The following MTMR8 variants were observed in gnomAD, a reference collection of about 807,000 sequenced individuals.
MTMR8 encodes myotubularin related protein 8, also known as phosphatidylinositol-3,5-bisphosphate 3-phosphatase MTMR8.
MTMR8 carries 65 observed loss-of-function variants against 39.3 expected under a neutral mutation model. That is an observed-to-expected ratio of 1.65 (90% CI 1.35 to 2.03). The LOEUF is 2.03. Among genes scored for constraint, MTMR8 ranks in the 30% most tolerant of loss-of-function variants. MTMR8 has a pLI of 0.00. For missense variants in MTMR8, 777 were observed against 538.9 expected (o/e 1.44, Z -4.37); for synonymous variants, 245 against 185.2 (o/e 1.32, Z -2.62).
At chrX:64,388,682 T>G (rs1337893880) in intron 1 of MTMR8, among the ~76,000 whole-genome samples, 1 of 112,347 alleles carries the variant, frequency 8.9e-6, no homozygotes, top group Non-Finnish European at 1.9e-5. Context: ...TCTTAAGGCA[T>G]GTTCTATGAA....
chrX:64,336,791 C>T (rs1271719346), intron 9 of MTMR8, among the ~76,000 whole-genome samples: 2 of 111,198 alleles, frequency 1.8e-5, no homozygotes, highest in African/African-American at 6.5e-5. Flanking sequence ...AGTAAGACTA[C>T]TTCAAAACAA....
chrX:64,378,596 A>G (rs1305334936), intron 1 of MTMR8, among the ~76,000 whole-genome samples: 2 of 112,259 alleles, frequency 1.8e-5, no homozygotes, highest in Non-Finnish European at 3.8e-5. Context: ...TTTTTAAAAC[A>G]TTTCAAACTA....
intron 1 of MTMR8, among the ~76,000 whole-genome samples, chrX:64,391,430 T>G (rs1306597874): frequency 8.9e-6 from 1 of 112,168 alleles, no homozygotes; most frequent in Non-Finnish European, 1.9e-5. Context: ...GGCTGTAAAC[T>G]TGGAAGAGCT....
intron 12 of MTMR8, among the ~76,000 whole-genome samples, chrX:64,324,392 A>T (rs1281318716): frequency 5.4e-5 from 6 of 111,123 alleles, no homozygotes; most frequent in Non-Finnish European, 1.1e-4. Context: ...AAAAGAGAAG[A>T]GAAGAAAGAG....
chrX:64,371,873 C>A (rs916113376), intron 1 of MTMR8, among the ~76,000 whole-genome samples: 1 of 109,974 alleles, frequency 9.1e-6, no homozygotes, highest in African/African-American at 3.3e-5. Flanking sequence ...AGGTGCCTTT[C>A]ACATATTAAG....
chrX:64,323,673 C>G (rs1165780015), intron 12 of MTMR8, among the ~76,000 whole-genome samples: 1 of 111,647 alleles, frequency 9.0e-6, no homozygotes, highest in Non-Finnish European at 1.9e-5. Flanking sequence ...TAGAACAAGC[C>G]TTAACAAATT....
chrX:64,385,095 A>AT (rs938161504), intron 1 of MTMR8, among the ~76,000 whole-genome samples: 96 of 111,884 alleles, frequency 8.6e-4, no homozygotes, highest in Admixed American at 1.4e-3. Flanking sequence ...GCTGATTAGA[A>AT]TTTTTTTCAT....
At chrX:64,355,084 T>G in intron 3 of MTMR8, 150 bp from the exon 4 acceptor site, 1 of 407,597 alleles carries the variant, frequency 2.5e-6, no homozygotes, top group Middle Eastern at 7.3e-4. Flanking sequence ...AAGTTTGCCT[T>G]TATGTAAGGA....
intron 4 of MTMR8, 87 bp downstream of exon 4, chrX:64,354,690 T>G: frequency 2.1e-6 from 2 of 931,661 alleles, no homozygotes; most frequent in Non-Finnish European, 2.9e-6. Flanking sequence ...TTATGAGTCA[T>G]TTCTCTCTTT....
chrX:64,276,690 T>A (rs1337595964), intron 12 of MTMR8, among the ~76,000 whole-genome samples: 3 of 111,736 alleles, frequency 2.7e-5, no homozygotes, highest in Non-Finnish European at 5.6e-5. Flanking sequence ...GAGGAGTGTT[T>A]TACTTCCAAT....
intron 11 of MTMR8, among the ~76,000 whole-genome samples, chrX:64,330,857 AG>A (rs1404148474): frequency 1.8e-5 from 2 of 112,025 alleles, no homozygotes; most frequent in Admixed American, 9.5e-5. Context: ...CAGAATATTT[AG>A]AAAAAACATC....
chrX:64,341,677 A>G (rs1923222404), intron 8 of MTMR8, among the ~76,000 whole-genome samples: 1 of 111,299 alleles, frequency 9.0e-6, no homozygotes, highest in Non-Finnish European at 1.9e-5. Context: ...CAGTCTCACT[A>G]GCCACATTTC....
intron 1 of MTMR8, among the ~76,000 whole-genome samples, chrX:64,362,471 GAAAAAA>G (rs760545171): frequency 2.2e-3 from 12 of 5,497 alleles, no homozygotes; most frequent in African/African-American, 5.7e-3. Context: ...TACTATTGCA[GAAAAAA>G]AAAAAAAAAA....
At chrX:64,328,235 A>C (rs1057419887) in intron 12 of MTMR8, among the ~76,000 whole-genome samples, 1 of 111,842 alleles carries the variant, frequency 8.9e-6, no homozygotes, top group Non-Finnish European at 1.9e-5. Context: ...AATAAAAGAC[A>C]TCCAAATTGA....
intron 12 of MTMR8, among the ~76,000 whole-genome samples, chrX:64,293,353 C>T (rs943767988): frequency 1.8e-5 from 2 of 111,171 alleles, no homozygotes; most frequent in Non-Finnish European, 3.8e-5. Context: ...TTATGCTGCA[C>T]CCTTCTAGAC....
rs768199242 is a variant in MTMR8, at chrX:64,350,014, C to T, written c.525G>A (p.Thr175=). 3.3e-6 allele frequency: 4 copies of T among 1,194,139 alleles called. No individual in the cohort carries two copies. The highest frequency in any genetic ancestry group is 1.8e-5 in the African/African-American group (1 of 57,137). ...IVVPKSVTLG[T]VVGSSKFRSK... ...TTCTGAACTTTGAACTTCCAACCAC[C>T]GTTCCCAAGGTAACAGATTTAGGAA... The change falls in exon 5 of 14, where the codon ACG becomes ACA. Residue 175 remains threonine (T), a synonymous_variant. Coordinates refer to ENST00000374852, the MANE Select transcript of MTMR8 (RefSeq NM_017677.4).
chrX:64,312,261 A>T (rs1005305999), intron 12 of MTMR8, among the ~76,000 whole-genome samples: 6 of 111,592 alleles, frequency 5.4e-5, no homozygotes, highest in Non-Finnish European at 7.5e-5. Flanking sequence ...TTCTCTTTGT[A>T]GCAATTTTGA....
intron 12 of MTMR8, among the ~76,000 whole-genome samples, chrX:64,307,187 T>C (rs758927203): frequency 8.9e-6 from 1 of 112,219 alleles, no homozygotes; most frequent in Admixed American, 9.5e-5. Context: ...ACGTTATTTG[T>C]AGTATTTTCT....
intron 6 of MTMR8, among the ~76,000 whole-genome samples, chrX:64,345,896 G>A (rs1569225268): frequency 4.4e-5 from 5 of 112,515 alleles, no homozygotes; most frequent in Admixed American, 1.9e-4. Context: ...TGGGATTACA[G>A]GCATAAGCCA....
Sources: gnomAD v4.1 joint callset for allele counts (sites outside exome capture counted in the v4.1 genomes callset) on GRCh38, gnomAD v4.1.1 for gene constraint, MANE v1.5 for transcripts, NCBI Gene and HGNC (gene_info 2026-07-23, HGNC 2026-07-21) for gene names.